Variants in KCNJ1 observed in about 807,000 individuals in gnomAD.
KCNJ1 encodes ATP-sensitive inward rectifier potassium channel 1.
KCNJ1 carries 24 observed loss-of-function variants against 21.9 expected under a neutral mutation model. The observed-to-expected ratio is 1.10, with a 90% confidence interval of 0.79 to 1.54. KCNJ1 has a LOEUF of 1.54. KCNJ1 is among the 40% of genes most tolerant of loss of function. The probability of loss-of-function intolerance (pLI) is 0.00; values close to 1 mark genes in which losing one functional copy is unlikely to be tolerated. For missense variants in KCNJ1, 457 were observed against 455.4 expected (o/e 1.00, Z -0.03); for synonymous variants, 152 against 160.9 (o/e 0.94, Z 0.42).
chr11:128,855,440 C>T (rs545264503), intron 1 of KCNJ1, among the ~76,000 whole-genome samples: 56 of 152,294 alleles, frequency 3.7e-4, no homozygotes, highest in South Asian at 6.2e-4. Flanking sequence ...AATGCTGGCT[C>T]CCTGGCACCC....
chr11:128,840,641 G>A (rs530148370), intron 2 of KCNJ1, among the ~76,000 whole-genome samples: 1 of 152,194 alleles, frequency 6.6e-6, no homozygotes, highest in Non-Finnish European at 1.5e-5. Context: ...CTTCTCATAA[G>A]TTTAGCCTTA....
Position 128,856,330 on chromosome 11 carries a change from C to A in KCNJ1, c.-191-5440G>T, listed in dbSNP as rs146811639. On this transcript the variant is annotated intron_variant, in intron 1 of 2. Coordinates refer to ENST00000392666, the MANE Select transcript of KCNJ1 (RefSeq NM_153766.3). Reference sequence around the variant, plus strand: ...GTTAGCACGACCAGCCTTCCAGACCCGGAGGCAACCAGGGCACAGGGCTTG... The same window carrying A: ...GTTAGCACGACCAGCCTTCCAGACCAGGAGGCAACCAGGGCACAGGGCTTG... Among the ~76,000 whole-genome samples, 75 of 152,346 alleles carry A rather than the reference C, an allele frequency of 4.9e-4. No individual in the cohort carries two copies. The East Asian group carries it at 0.013, about 25-fold the overall frequency.
At position 128,846,392 on chromosome 11, in the gene KCNJ1, T is replaced by G. The variant is rs926191395; in HGVS notation, c.-22+4329A>C. Among the ~76,000 whole-genome samples the G allele has an allele frequency of 2.0e-5, 3 of 152,178 alleles. 1 individual carries two copies. Among genetic ancestry groups the G allele is most frequent in the Admixed American group, 2.0e-4 (3 of 15,284 alleles). On this transcript the variant is annotated intron_variant, in intron 2 of 2. Coordinates refer to ENST00000392666, the MANE Select transcript of KCNJ1 (RefSeq NM_153766.3). ...TATAACTGGTTCCCAAATTTCAAAC[T>G]AGCATGGCAGTTTAATCAGGGGTCA...
chr11:128,840,854 A>C (rs1260569562), intron 2 of KCNJ1, among the ~76,000 whole-genome samples: 2 of 152,236 alleles, frequency 1.3e-5, no homozygotes, highest in Non-Finnish European at 2.9e-5. Context: ...ACTGAGATTT[A>C]GAAAATTTAA....
chr11:128,850,417 G>A (rs1943462715), intron 2 of KCNJ1, among the ~76,000 whole-genome samples: 1 of 152,158 alleles, frequency 6.6e-6, no homozygotes, highest in Admixed American at 6.5e-5. Flanking sequence ...CCCAGTCCCT[G>A]CCTACCCCAG....
At chr11:128,850,616 G>T in intron 2 of KCNJ1, 105 bp downstream of exon 2, 1 of 370,988 alleles carries the variant, frequency 2.7e-6, no homozygotes, top group Non-Finnish European at 3.7e-6. Flanking sequence ...AAATGACTAG[G>T]TCCCACAGCC....
Position 128,838,886 on chromosome 11 carries a change from G to C in KCNJ1, c.*239C>G. 2 of 548,406 alleles carry C rather than the reference G, an allele frequency of 3.6e-6. No individual in the cohort carries two copies. Among genetic ancestry groups the C allele is most frequent in the Non-Finnish European group, 6.5e-6 (2 of 309,286 alleles). 34.0% of individuals were successfully genotyped at this position (548,406 alleles called of 1,614,324 possible). Reference sequence around the variant, plus strand: ...AATAATCATATTTAAGATTTCAAGAGAGCACCTATGTCTTCCATACACCAG... The same window carrying C: ...AATAATCATATTTAAGATTTCAAGACAGCACCTATGTCTTCCATACACCAG... On this transcript the variant is annotated 3_prime_UTR_variant, in exon 3 of 3. Coordinates refer to ENST00000392666, the MANE Select transcript of KCNJ1 (RefSeq NM_153766.3).
In KCNJ1 at chr11:128,840,161, C is replaced by T. The variant is rs758505864; in HGVS notation, c.83G>A (p.Gly28Glu). Residue 28 changes from glycine (G) to glutamate (E), a missense_variant, in exon 3 of 3, where the codon GGA (glycine) becomes GAA (glutamate). Physicochemically the swap from Gly to Glu is moderately conservative, Grantham distance 98. Transcript: ENST00000392666. ...RQRARLVSKD[G>E]RCNIEFGNVE... ...ATTGCCAAATTCTATGTTGCACCTT[C>T]CATCTTTGGAGACTAGCCTTGCTCT... 6.2e-7 allele frequency: 1 copy of T among 1,614,152 alleles called. No homozygotes were observed. The highest frequency in any genetic ancestry group is 2.2e-5 in the East Asian group (1 of 44,886).
chr11:128,844,368 T>C (rs1017285125), intron 2 of KCNJ1, among the ~76,000 whole-genome samples: 2 of 152,178 alleles, frequency 1.3e-5, no homozygotes, highest in African/African-American at 4.8e-5. Flanking sequence ...TGGTGTACCA[T>C]TTGACAGGTT....
chr11:128,857,749 G>A (rs1033517453), intron 1 of KCNJ1, among the ~76,000 whole-genome samples: 2 of 152,190 alleles, frequency 1.3e-5, no homozygotes, highest in African/African-American at 4.8e-5. Flanking sequence ...ATGCTGACAG[G>A]TGGCAAGGAC....
chr11:128,862,743 T>C (rs1448013722), intron 1 of KCNJ1, among the ~76,000 whole-genome samples: 2 of 152,222 alleles, frequency 1.3e-5, no homozygotes, highest in Non-Finnish European at 2.9e-5. Flanking sequence ...AGCCCATGCC[T>C]GTGGCTTATC....
intron 1 of KCNJ1, among the ~76,000 whole-genome samples, chr11:128,864,074 CTTTTTTTTTTT>C (rs71472076): frequency 1.6e-4 from 14 of 86,682 alleles, no homozygotes; most frequent in African/African-American, 4.8e-4. Context: ...CTTTTTCTCT[CTTTTTTTTTTT>C]TTTTTTTTTT....
Position 128,839,710 on chromosome 11 carries a change from G to A in KCNJ1, c.534C>T (p.Asn178=), listed in dbSNP as rs140589575. 130 of 1,613,436 alleles carry A rather than the reference G, an allele frequency of 8.1e-5. 3 individuals are homozygous for A. Among genetic ancestry groups the A allele is most frequent in the South Asian group, 7.5e-4 (68 of 91,080 alleles). ...KRAKTITFSK[N]AVISKRGGKL... is the part of the protein sequence containing the mutation. ...TCCCTCCCCGTTTGCTGATCACTGC[G>A]TTCTTGCTGAACGTAATGGTCTTGG... The change falls in exon 3 of 3, where the codon AAC becomes AAT. Residue 178 remains asparagine, a synonymous_variant. Transcript: ENST00000392666.
Position 128,840,245 on chromosome 11 carries a change from C to G in KCNJ1, c.-2G>C. 1 of 1,614,130 alleles carries G rather than the reference C, an allele frequency of 6.2e-7. No individual in the cohort carries two copies. Among genetic ancestry groups the G allele is most frequent in the Non-Finnish European group, 8.5e-7 (1 of 1,180,008 alleles). ...CCATTTCCGAAGATGTTTGAACATACTTTCTGTCAACACCCTGATCTGAAA... is the reference window on the plus strand; with the variant it reads ...CCATTTCCGAAGATGTTTGAACATAGTTTCTGTCAACACCCTGATCTGAAA... On this transcript the variant is annotated 5_prime_UTR_variant, in exon 3 of 3. Coordinates refer to ENST00000392666, the MANE Select transcript of KCNJ1 (RefSeq NM_153766.3).
At chr11:128,857,451 G>A (rs1020181574) in intron 1 of KCNJ1, among the ~76,000 whole-genome samples, 5 of 152,158 alleles carry the variant, frequency 3.3e-5, no homozygotes, top group African/African-American at 1.2e-4. Context: ...CCCAGCATGT[G>A]GACCCACAGT....
chr11:128,854,849 T>A (rs756150840), intron 1 of KCNJ1, among the ~76,000 whole-genome samples: 1 of 152,224 alleles, frequency 6.6e-6, no homozygotes, highest in Non-Finnish European at 1.5e-5. Context: ...GTATCATAGA[T>A]GCACGATGGG....
rs1943322259 is a variant in KCNJ1, at chr11:128,843,343, C to G, written c.-21-3079G>C. Reference sequence around the variant, plus strand: ...ATATGCTCAGTTTTTAGGTTCCTTTCTATTGAAATCAGTAAATCTTAATAG... The same window carrying G: ...ATATGCTCAGTTTTTAGGTTCCTTTGTATTGAAATCAGTAAATCTTAATAG... On this transcript the variant is annotated intron_variant, in intron 2 of 2. Coordinates refer to ENST00000392666, the MANE Select transcript of KCNJ1 (RefSeq NM_153766.3). 3.9e-5 allele frequency among the ~76,000 whole-genome samples: 6 copies of G among 152,294 alleles called. No homozygotes were observed. In the South Asian group the frequency reaches 1.2e-3, roughly 32 times the overall value.
chr11:128,842,308 T>C lies in KCNJ1; in HGVS notation c.-21-2044A>G, dbSNP rs191474665. The C allele has an allele frequency of 1.6e-4, 247 of 1,519,194 alleles. 2 individuals are homozygous for C. The East Asian group carries it at 3.8e-3, about 23-fold the overall frequency. The allele number at this position is 1,519,194 out of a possible 1,614,324, so 94.1% of individuals were successfully genotyped here. On this transcript the variant is annotated intron_variant, in intron 2 of 2. Coordinates refer to ENST00000392666, the MANE Select transcript of KCNJ1 (RefSeq NM_153766.3). Reference sequence around the variant, plus strand: ...TTGATCACTTGAATAACGTTGAGTTTCCATGACTGCATTAATGATGAAACA... The same window carrying C: ...TTGATCACTTGAATAACGTTGAGTTCCCATGACTGCATTAATGATGAAACA...
At position 128,850,777 on chromosome 11, in the gene KCNJ1, T is replaced by C; in HGVS notation, c.-78A>G. 1.0e-6 allele frequency: 1 copy of C among 985,434 alleles called. No homozygotes were observed. The highest frequency in any genetic ancestry group is 1.1e-4 in the East Asian group (1 of 8,820). The allele number at this position is 985,434 out of a possible 1,614,324, so 61.0% of individuals were successfully genotyped here. A position where few individuals can be genotyped will look rare whatever the true frequency, so the allele number is the denominator to read the frequency against. ...CAAAACTTCATGTATAAGTAGATCT[T>C]GGGGTGACCAGCAAGAGCTGCTTGG... On this transcript the variant is annotated 5_prime_UTR_variant, in exon 2 of 3. Coordinates refer to ENST00000392666, the MANE Select transcript of KCNJ1 (RefSeq NM_153766.3).
Sources: gnomAD v4.1 joint callset for allele counts (sites outside exome capture counted in the v4.1 genomes callset) on GRCh38, gnomAD v4.1.1 for gene constraint, MANE v1.5 for transcripts, NCBI Gene and HGNC (gene_info 2026-07-23, HGNC 2026-07-21) for gene names.